SFSWAP: variants seen among roughly 807,000 people sequenced by gnomAD.
SFSWAP encodes the protein splicing factor, suppressor of white-apricot homolog.
A neutral mutation model predicts 100.7 loss-of-function variants in SFSWAP; 17 were observed. The ratio of observed to expected loss-of-function variants is 0.17; its 90% CI spans 0.12 to 0.25. SFSWAP has a LOEUF of 0.25. Among genes scored for constraint, SFSWAP ranks in the 10% least tolerant of loss-of-function variants. The pLI is 1.00. For missense variants in SFSWAP, 1,005 were observed against 1,262.6 expected (o/e 0.80, Z 3.09); for synonymous variants, 504 against 510.1 (o/e 0.99, Z 0.16).
chr12:131,724,065 A>G (rs1238949885), intron 4 of SFSWAP, among the ~76,000 whole-genome samples: 1 of 152,218 alleles, frequency 6.6e-6, no homozygotes. Context: ...GATACTTTTT[A>G]ATCTTATTCA....
At chr12:131,781,233 TA>T (rs1358587904) in intron 14 of SFSWAP, among the ~76,000 whole-genome samples, 55 of 66,852 alleles carry the variant, frequency 8.2e-4, no homozygotes, top group African/African-American at 1.5e-3. Flanking sequence ...TATATCTTAT[TA>T]TTTTTTTTTT....
At chr12:131,723,254 T>G (rs1472257761) in intron 4 of SFSWAP, 4 of 152,238 alleles carry the variant, frequency 2.6e-5, no homozygotes, top group African/African-American at 9.6e-5. Flanking sequence ...TTCAGATTCG[T>G]AAGGACTCTT....
At position 131,786,495 on chromosome 12, in the gene SFSWAP, A is replaced by G; in HGVS notation, c.2441A>G (p.His814Arg). The G allele has an allele frequency of 6.3e-7, 1 of 1,585,948 alleles. No individual in the cohort carries two copies. Reference protein sequence around the residue: ...SRSRSPRRRAHSPERRREERS... With the variant: ...SRSRSPRRRARSPERRREERS... ...TCCCGGTCCCCTCGGAGGAGAGCCC[A>G]CTCCCCTGAGAGACGGAGGGAAGAG... is the stretch of plus-strand genomic sequence containing the variant. The change falls in exon 15 of 18, where the codon CAC (histidine) becomes CGC (arginine). Residue 814 changes from histidine to arginine, a missense_variant. Around this residue, in one of 7 missense-constraint regions of SFSWAP, gnomAD observed 295 missense variants for 347.9 expected, o/e 0.85. Transcript: ENST00000261674.
intron 16 of SFSWAP, 51 bp downstream of exon 16, chr12:131,797,411 A>G (rs1885763469): frequency 6.7e-7 from 1 of 1,497,212 alleles, no homozygotes; most frequent in Non-Finnish European, 9.1e-7. Flanking sequence ...AGGGGCGGCC[A>G]GCAGGACTCT....
At position 131,766,245 on chromosome 12, in the gene SFSWAP, C is replaced by G; in HGVS notation, c.2079C>G (p.Thr693=). The change falls in exon 13 of 18, where the codon ACC becomes ACG. Residue 693 remains threonine (T), a synonymous_variant. Transcript: ENST00000261674. The part of the protein sequence containing the change: ...RKRKAALFLQ[T]LKNPLPEAEA... ...GGAAAGCGGCGTTATTTTTACAGAC[C>G]CTCAAAAATCCTCTGCCGGAAGCAG... 6.2e-7 allele frequency: 1 copy of G among 1,614,114 alleles called. No homozygotes were observed. Among genetic ancestry groups the G allele is most frequent in the South Asian group, 1.1e-5 (1 of 91,084 alleles).
intron 13 of SFSWAP, among the ~76,000 whole-genome samples, chr12:131,768,031 T>C (rs1883259567): frequency 6.6e-6 from 1 of 152,246 alleles, no homozygotes; most frequent in Non-Finnish European, 1.5e-5. Context: ...CCCCAGGCGA[T>C]TGCATGCGCG....
chr12:131,795,619 C>T (rs1212082927), intron 15 of SFSWAP, among the ~76,000 whole-genome samples: 2 of 151,890 alleles, frequency 1.3e-5, no homozygotes, highest in African/African-American at 4.8e-5. Context: ...GCATGAAGTC[C>T]GGAGGCCCTG....
At chr12:131,754,625 GTCTT>G in intron 9 of SFSWAP, 126 bp downstream of exon 9, 1 of 133,118 alleles carries the variant, frequency 7.5e-6, no homozygotes, top group Non-Finnish European at 1.4e-5. Flanking sequence ...TGGCTCAAAT[GTCTT>G]TTTTTTTTTT....
At chr12:131,743,562 C>CCAAG (rs1880852955) in intron 7 of SFSWAP, among the ~76,000 whole-genome samples, 16 of 152,280 alleles carry the variant, frequency 1.1e-4, no homozygotes, top group Admixed American at 1.0e-3. Context: ...AGCTCCGCGC[C>CCAAG]TGTGGCTCTG....
At chr12:131,728,688 C>G (rs565887496) in intron 7 of SFSWAP, among the ~76,000 whole-genome samples, 2 of 151,980 alleles carry the variant, frequency 1.3e-5, no homozygotes, top group African/African-American at 4.8e-5. Context: ...AGCTGGCTGC[C>G]TCTGCCCTTC....
intron 13 of SFSWAP, among the ~76,000 whole-genome samples, chr12:131,776,113 A>C (rs1351269026): frequency 6.6e-6 from 1 of 152,182 alleles, no homozygotes; most frequent in Non-Finnish European, 1.5e-5. Flanking sequence ...AACAAACAAA[A>C]ATAATAAAAT....
At chr12:131,791,491 A>G (rs1885223577) in intron 15 of SFSWAP, among the ~76,000 whole-genome samples, 2 of 152,132 alleles carry the variant, frequency 1.3e-5, no homozygotes, top group South Asian at 4.1e-4. Flanking sequence ...GATGGTTCAC[A>G]TCTGTAATCC....
At chr12:131,769,575 A>G (rs1193770825) in intron 13 of SFSWAP, among the ~76,000 whole-genome samples, 1 of 152,156 alleles carries the variant, frequency 6.6e-6, no homozygotes, top group Non-Finnish European at 1.5e-5. Context: ...AACATAAGAT[A>G]TGTTACAGCT....
intron 11 of SFSWAP, among the ~76,000 whole-genome samples, chr12:131,761,998 C>T (rs144062381): frequency 1.0e-3 from 154 of 152,168 alleles, no homozygotes; most frequent in African/African-American, 3.4e-3. Context: ...CTTGACAGGC[C>T]GGACAAGGTG....
At chr12:131,777,316 C>T (rs961181075) in intron 13 of SFSWAP, among the ~76,000 whole-genome samples, 9 of 152,130 alleles carry the variant, frequency 5.9e-5, no homozygotes, top group African/African-American at 9.7e-5. Context: ...CAACAGGCCC[C>T]GGTGTGTGAT....
chr12:131,714,743 A>G lies in SFSWAP; in HGVS notation c.389-79A>G. On this transcript the variant is annotated intron_variant, in intron 2 of 17. Coordinates refer to ENST00000261674, the MANE Select transcript of SFSWAP (RefSeq NM_004592.4). This position sits in a 1 kb window ranked among gnomAD's most constrained non-coding sequence, Gnocchi z 6.0. ...AAAGTATGTTGTATGCTTTACTGATAGCTACAACTTTAGAAATATATAAAG... is the reference window on the plus strand; with the variant it reads ...AAAGTATGTTGTATGCTTTACTGATGGCTACAACTTTAGAAATATATAAAG... 7.5e-7 allele frequency: 1 copy of G among 1,341,608 alleles called. No homozygotes were observed. The highest frequency in any genetic ancestry group is 1.0e-6 in the Non-Finnish European group (1 of 953,086). 83.1% of individuals were successfully genotyped at this position (1,341,608 alleles called of 1,614,324 possible).
chr12:131,715,557 G>A (rs866036114), intron 3 of SFSWAP, among the ~76,000 whole-genome samples: 4 of 152,224 alleles, frequency 2.6e-5, no homozygotes, highest in Non-Finnish European at 2.9e-5. Context: ...ACCTGGGCTC[G>A]TGTAGTATAG....
intron 7 of SFSWAP, among the ~76,000 whole-genome samples, chr12:131,744,192 T>A (rs1880912977): frequency 6.6e-6 from 1 of 152,256 alleles, no homozygotes; most frequent in Non-Finnish European, 1.5e-5. Context: ...CCTGGTTACT[T>A]ATGCAAATTT....
At chr12:131,747,140 C>T (rs115470951) in intron 7 of SFSWAP, among the ~76,000 whole-genome samples, 4,600 of 149,562 alleles carry the variant, frequency 0.031, 236 homozygotes, top group African/African-American at 0.11. Context: ...TGCTCGTTAC[C>T]ATTCTCTCCT....
Sources: allele counts gnomAD v4.1 joint callset (sites outside exome capture counted in the v4.1 genomes callset), GRCh38; gene constraint gnomAD v4.1.1; regional missense constraint gnomAD v4.1.1; non-coding constraint Gnocchi (gnomAD v3.1); transcripts MANE v1.5; gene names NCBI Gene and HGNC (gene_info 2026-07-23, HGNC 2026-07-21).